Variants in ARID1B observed in about 807,000 individuals in gnomAD.
ARID1B encodes AT-rich interactive domain-containing protein 1B.
Under a neutral mutation model 212.3 loss-of-function variants are expected in ARID1B, and 30 were observed. The ratio of observed to expected loss-of-function variants is 0.14; its 90% CI spans 0.11 to 0.19. ARID1B has a LOEUF of 0.19. Ranked by LOEUF, ARID1B falls within the 10% of genes least tolerant of loss-of-function variation. ARID1B has a pLI of 1.00. For synonymous variants in ARID1B, 1,402 were observed against 1,301.7 expected (o/e 1.08, Z -1.66); for missense variants, 2,891 against 3,204.0 (o/e 0.90, Z 2.36).
intron 8 of ARID1B, chr6:157,150,877 TGCTGCGGGACCTGG>T (rs1790149676): frequency 5.6e-6 from 1 of 178,298 alleles, no homozygotes; most frequent in Non-Finnish European, 1.2e-5. Flanking sequence ...CACCCCGACT[TGCTGCGGGACCTGG>T]GCGTTTTCTC....
In ARID1B at chr6:156,944,888, C is replaced by T. The variant is rs370311187; in HGVS notation, c.2247+9312C>T. 1.3e-4 allele frequency among the ~76,000 whole-genome samples: 20 copies of T among 151,992 alleles called. No individual in the cohort carries two copies. The East Asian group carries it at 2.5e-3, about 19-fold the overall frequency. Reference sequence around the variant, plus strand: ...TCCTGGAGAATGCCTCCTGCATCCCCTGCAAGCTTTTTCTTCTTCTTCTTC... The same window carrying T: ...TCCTGGAGAATGCCTCCTGCATCCCTTGCAAGCTTTTTCTTCTTCTTCTTC... On this transcript the variant is annotated intron_variant, in intron 4 of 19. Transcript: ENST00000636930.
At chr6:157,060,098 G>GT (rs1266556746) in intron 4 of ARID1B, among the ~76,000 whole-genome samples, 5 of 152,178 alleles carry the variant, frequency 3.3e-5, no homozygotes, top group African/African-American at 1.2e-4. Flanking sequence ...GGAAAAGAAT[G>GT]TAATTAGTGA....
chr6:157,188,134 A>G (rs1027802834), intron 13 of ARID1B, among the ~76,000 whole-genome samples: 2 of 151,746 alleles, frequency 1.3e-5, no homozygotes, highest in Admixed American at 1.3e-4. Flanking sequence ...TGTATAACAA[A>G]CCCCCATGAC....
At chr6:156,891,891 A>C (rs1270866492) in intron 2 of ARID1B, among the ~76,000 whole-genome samples, 1 of 103,744 alleles carries the variant, frequency 9.6e-6, no homozygotes. Flanking sequence ...TTTTTTTTTG[A>C]GACGGAGTCT....
chr6:157,062,530 G>A (rs1783405374), intron 4 of ARID1B, among the ~76,000 whole-genome samples: 2 of 151,902 alleles, frequency 1.3e-5, no homozygotes, highest in African/African-American at 4.8e-5. Flanking sequence ...CTGTAGACAC[G>A]AGTTTGATTT....
At chr6:156,952,756 C>T (rs1211123653) in intron 4 of ARID1B, among the ~76,000 whole-genome samples, 1 of 152,180 alleles carries the variant, frequency 6.6e-6, no homozygotes, top group Non-Finnish European at 1.5e-5. Context: ...TAAAACCATA[C>T]AAGAGAATTC....
At chr6:156,962,916 G>A (rs1794492081) in intron 4 of ARID1B, among the ~76,000 whole-genome samples, 1 of 151,840 alleles carries the variant, frequency 6.6e-6, no homozygotes, top group Non-Finnish European at 1.5e-5. Flanking sequence ...CCAGTAGCTG[G>A]GACTACAGGC....
intron 4 of ARID1B, among the ~76,000 whole-genome samples, chr6:157,052,820 A>G (rs1049951475): frequency 6.6e-6 from 1 of 152,094 alleles, no homozygotes; most frequent in Non-Finnish European, 1.5e-5. Context: ...CTCTGGTTCA[A>G]GCAGTTCTCC....
chr6:157,003,630 A>G (rs1779029944), intron 4 of ARID1B, among the ~76,000 whole-genome samples: 1 of 152,174 alleles, frequency 6.6e-6, no homozygotes, highest in Non-Finnish European at 1.5e-5. Context: ...CTCAAAAGGG[A>G]ATGGACTACT....
chr6:156,915,146 G>T (rs976982471), intron 3 of ARID1B, among the ~76,000 whole-genome samples: 7 of 152,164 alleles, frequency 4.6e-5, no homozygotes, highest in African/African-American at 1.7e-4. Flanking sequence ...TAAATTTTGT[G>T]ATTTCTTTTG....
chr6:157,143,359 CT>C (rs1789503962), intron 7 of ARID1B, among the ~76,000 whole-genome samples: 1 of 151,844 alleles, frequency 6.6e-6, no homozygotes, highest in Non-Finnish European at 1.5e-5. Context: ...TCATTCCTGG[CT>C]TTTCCTCTCA....
At chr6:157,147,116 G>C (rs1421765623) in intron 7 of ARID1B, among the ~76,000 whole-genome samples, 1 of 151,944 alleles carries the variant, frequency 6.6e-6, no homozygotes, top group Non-Finnish European at 1.5e-5. Context: ...GTAGTATCAT[G>C]TGTACCTTTG....
chr6:157,032,404 T>A (rs1781072473), intron 4 of ARID1B, among the ~76,000 whole-genome samples: 1 of 152,212 alleles, frequency 6.6e-6, no homozygotes, highest in African/African-American at 2.4e-5. Flanking sequence ...ATGCTTAATA[T>A]ATAAATGGTA....
At chr6:157,175,796 T>C (rs1792059057) in intron 11 of ARID1B, 1 of 150,760 alleles carries the variant, frequency 6.6e-6, no homozygotes, top group East Asian at 2.0e-4. Context: ...TCTGTACCAT[T>C]AGAGAGAAAA....
chr6:156,853,780 G>A (rs1583164008), intron 2 of ARID1B, among the ~76,000 whole-genome samples: 1 of 152,084 alleles, frequency 6.6e-6, no homozygotes, highest in Non-Finnish European at 1.5e-5. Flanking sequence ...TCTGTTGCCC[G>A]GACTGGAGTA....
At chr6:156,850,515 G>A (rs1040830080) in intron 2 of ARID1B, among the ~76,000 whole-genome samples, 2 of 152,126 alleles carry the variant, frequency 1.3e-5, no homozygotes, top group African/African-American at 2.4e-5. Flanking sequence ...AAGTAGAATG[G>A]GGAAGTGGAA....
chr6:156,852,305 C>A (rs1359314288), intron 2 of ARID1B, among the ~76,000 whole-genome samples: 1 of 151,822 alleles, frequency 6.6e-6, no homozygotes, highest in African/African-American at 2.4e-5. Flanking sequence ...TTAAAATTAG[C>A]AGGGCGTGGT....
rs766971912 is a variant in ARID1B at position 157,207,838 on chromosome 6, T to A, written c.7066T>A (p.Ser2356Thr). ...LDISISAVLN[S>T]LVASVICDVL... ...TATCTCGATATCAGCTGTCCTGAAC[T>A]CTCTGGTTGCATCTGTCATCTGTGA... is the stretch of plus-strand genomic sequence containing the variant. Residue 2356 changes from serine (S) to threonine (T), a missense_variant, in exon 20 of 20, where the codon TCT becomes ACT. Ser to Thr is a moderately conservative substitution (Grantham distance 58). This residue lies in a region of ARID1B where 187 missense variants were observed against 306.5 expected (regional missense o/e 0.61). Transcript: ENST00000636930. The surrounding 1 kb of genome is among the most constrained non-coding windows in gnomAD (Gnocchi z 8.5). 1 of 1,517,766 alleles carries A rather than the reference T, an allele frequency of 6.6e-7. No individual in the cohort carries two copies. The highest frequency in any genetic ancestry group is 2.3e-5 in the East Asian group (1 of 43,888). 94.0% of individuals were successfully genotyped at this position (1,517,766 alleles called of 1,614,324 possible).
rs552707338 is a variant in ARID1B at position 156,784,410 on chromosome 6, A to T, written c.1791+4939A>T. 1.7e-4 allele frequency among the ~76,000 whole-genome samples: 26 copies of T among 152,258 alleles called. No individual in the cohort carries two copies. The South Asian group carries it at 2.1e-3, about 12-fold the overall frequency. Reference sequence around the variant, plus strand: ...CTAGCTTGGAGGCTATTTGAATGAGACTCAATGGCCCTTTTGGTTTAATTG... The same window carrying T: ...CTAGCTTGGAGGCTATTTGAATGAGTCTCAATGGCCCTTTTGGTTTAATTG... On this transcript the variant is annotated intron_variant, in intron 1 of 19. Coordinates refer to ENST00000636930, the MANE Select transcript of ARID1B (RefSeq NM_001374828.1).
Sources: allele counts gnomAD v4.1 joint callset (sites outside exome capture counted in the v4.1 genomes callset), GRCh38; gene constraint gnomAD v4.1.1; regional missense constraint gnomAD v4.1.1; non-coding constraint Gnocchi (gnomAD v3.1); transcripts MANE v1.5; gene names NCBI Gene and HGNC (gene_info 2026-07-23, HGNC 2026-07-21).